Variants in PUDP observed in about 807,000 individuals in gnomAD.
The protein encoded by PUDP is pseudouridine-5'-phosphatase.
Under a neutral mutation model 9.4 loss-of-function variants are expected in PUDP, and 8 were observed. The ratio of observed to expected loss-of-function variants is 0.85; its 90% confidence interval spans 0.50 to 1.53. The LOEUF (loss-of-function observed/expected upper bound fraction) is 1.53, where lower values mean the gene tolerates loss of function less well. Among genes scored for constraint, PUDP ranks in the 40% most tolerant of loss-of-function variants. The probability of loss-of-function intolerance (pLI) is 0.00; values close to 1 mark genes in which losing one functional copy is unlikely to be tolerated. For missense variants in PUDP, 188 were observed against 189.7 expected, an observed-to-expected ratio of 0.99 and a Z score of 0.05; for synonymous variants, 99 against 80.7, an observed-to-expected ratio of 1.23 and a Z score of -1.22.
intron 1 of PUDP, among the ~76,000 whole-genome samples, chrX:7,133,291 G>A (rs1448075104): frequency 9.0e-6 from 1 of 111,546 alleles, no homozygotes; most frequent in East Asian, 2.8e-4. Context: ...GAGGTCAAGG[G>A]GTCATCAGAG....
intron 2 of PUDP, among the ~76,000 whole-genome samples, chrX:7,086,029 T>A (rs965634434): frequency 8.9e-6 from 1 of 111,811 alleles, no homozygotes; most frequent in African/African-American, 3.3e-5. Flanking sequence ...GAAACCCAGA[T>A]GGCTTCACAC....
chrX:7,078,993 C>T (rs751974121), intron 2 of PUDP, among the ~76,000 whole-genome samples: 6 of 111,804 alleles, frequency 5.4e-5, no homozygotes, highest in South Asian at 7.5e-4. Context: ...CCTTATGTAA[C>T]GGCTTTATAA....
intron 3 of PUDP, among the ~76,000 whole-genome samples, chrX:6,798,255 T>C (rs1292428330): frequency 1.8e-5 from 2 of 111,873 alleles, no homozygotes; most frequent in Non-Finnish European, 3.8e-5. Flanking sequence ...GGAAAACTCC[T>C]GTTTGTAAAA....
At chrX:6,865,778 C>A (rs1319701989) in intron 3 of PUDP, among the ~76,000 whole-genome samples, 1 of 110,466 alleles carries the variant, frequency 9.1e-6, no homozygotes, top group Non-Finnish European at 1.9e-5. Context: ...GCATGCTGAG[C>A]TGATTAAGCT....
chrX:6,919,858 CAAAAAAAAAAAAAAAAAAAAAAAAA>C (rs58441346), intron 3 of PUDP, among the ~76,000 whole-genome samples: 2 of 26,501 alleles, frequency 7.5e-5, no homozygotes, highest in Non-Finnish European at 1.3e-4. Context: ...GACTCCATCT[CAAAAAAAAAAAAAAAAAAAAAAAAA>C]AAAAAAAAAA....
intron 1 of PUDP, among the ~76,000 whole-genome samples, chrX:7,000,503 A>G (rs1299104141): frequency 9.0e-6 from 1 of 111,020 alleles, no homozygotes; most frequent in African/African-American, 3.3e-5. Flanking sequence ...TTATGAGACT[A>G]GTTAACTTTA....
chrX:7,106,093 G>GT (rs1465102836), intron 1 of PUDP, among the ~76,000 whole-genome samples: 2 of 112,337 alleles, frequency 1.8e-5, no homozygotes, highest in African/African-American at 6.5e-5. Context: ...AATGAAATCT[G>GT]TATTATTGTG....
intron 1 of PUDP, among the ~76,000 whole-genome samples, chrX:6,996,525 TA>T (rs1385173770): frequency 9.2e-6 from 1 of 108,688 alleles, no homozygotes. Flanking sequence ...TTCATTGGAA[TA>T]AAAAAATAGT....
chrX:7,000,139 A>G (rs113117022), intron 1 of PUDP, among the ~76,000 whole-genome samples: 3 of 104,285 alleles, frequency 2.9e-5, no homozygotes, highest in African/African-American at 7.0e-5. Flanking sequence ...GAGAGAGGAA[A>G]AGAGAGAGAG....
At chrX:7,038,288 G>A (rs915337801) in intron 1 of PUDP, among the ~76,000 whole-genome samples, 2 of 112,233 alleles carry the variant, frequency 1.8e-5, no homozygotes, top group Non-Finnish European at 3.8e-5. Flanking sequence ...GCAGACATTT[G>A]GCCCAGGTGA....
intron 3 of PUDP, among the ~76,000 whole-genome samples, chrX:6,892,223 T>C (rs1927526780): frequency 8.9e-6 from 1 of 112,286 alleles, no homozygotes; most frequent in African/African-American, 3.2e-5. Flanking sequence ...AAATGTGGTG[T>C]TCCATATTAT....
intron 3 of PUDP, among the ~76,000 whole-genome samples, chrX:6,914,191 C>T (rs1927893304): frequency 9.8e-6 from 1 of 102,218 alleles, no homozygotes; most frequent in Non-Finnish European, 2.0e-5. Flanking sequence ...AAAAAAATCA[C>T]AGTTACATAG....
At chrX:6,808,191 G>A (rs1486685294) in intron 3 of PUDP, among the ~76,000 whole-genome samples, 1 of 111,266 alleles carries the variant, frequency 9.0e-6, no homozygotes, top group African/African-American at 3.3e-5. Context: ...ATTACATAGA[G>A]TGATACATAT....
At chrX:7,079,597 C>T (rs1470393477) in intron 2 of PUDP, among the ~76,000 whole-genome samples, 2 of 112,553 alleles carry the variant, frequency 1.8e-5, no homozygotes, top group Non-Finnish European at 3.8e-5. Flanking sequence ...TTATAAAATA[C>T]TTAAAATCAT....
chrX:7,110,156 T>TCC (rs1173914795), intron 1 of PUDP, among the ~76,000 whole-genome samples: 3 of 111,930 alleles, frequency 2.7e-5, no homozygotes, highest in African/African-American at 9.8e-5. Flanking sequence ...CAGCCTGAGT[T>TCC]CCCGGGGGCT....
chrX:7,076,265 G>C (rs1166441651), intron 3 of PUDP, among the ~76,000 whole-genome samples: 1 of 111,939 alleles, frequency 8.9e-6, no homozygotes, highest in East Asian at 2.8e-4. Flanking sequence ...GTAATGAGAG[G>C]TGAGGCCTGA....
At chrX:6,909,476 G>A (rs1927817241) in intron 3 of PUDP, among the ~76,000 whole-genome samples, 1 of 111,938 alleles carries the variant, frequency 8.9e-6, no homozygotes, top group Admixed American at 9.5e-5. Context: ...GTCTAAAGCA[G>A]GGGTTGGCAA....
intron 3 of PUDP, among the ~76,000 whole-genome samples, chrX:7,072,795 C>T (rs1405667461): frequency 1.2e-5 from 1 of 86,268 alleles, no homozygotes; most frequent in Non-Finnish European, 2.1e-5. Flanking sequence ...GCCTATGCAA[C>T]AGAGCAAGAC....
At chrX:6,805,537 C>G (rs376032922) in intron 3 of PUDP, among the ~76,000 whole-genome samples, 1 of 109,737 alleles carries the variant, frequency 9.1e-6, no homozygotes, top group Non-Finnish European at 1.9e-5. Flanking sequence ...GTTTTTTTTT[C>G]TTTTGGAGAC....
Sources: gnomAD v4.1 joint callset for allele counts (sites outside exome capture counted in the v4.1 genomes callset) on GRCh38, gnomAD v4.1.1 for gene constraint, MANE v1.5 for transcripts, NCBI Gene and HGNC (gene_info 2026-07-23, HGNC 2026-07-21) for gene names.